The following DENND5B variants were observed in gnomAD, a reference collection of about 807,000 sequenced individuals.
The protein encoded by DENND5B is DENN domain containing 5B.
In DENND5B, 34 loss-of-function variants were observed where a neutral mutation model predicts 140.6. The observed-to-expected ratio is 0.24, with a 90% CI of 0.18 to 0.32. The LOEUF is 0.32. Among genes scored for constraint, DENND5B ranks in the 10% least tolerant of loss-of-function variants. DENND5B has a pLI of 1.00. For missense variants in DENND5B, 1,142 were observed against 1,560.2 expected, an observed-to-expected ratio of 0.73 and a Z score of 4.52; for synonymous variants, 551 against 562.1, an observed-to-expected ratio of 0.98 and a Z score of 0.28.
Position 31,426,683 on chromosome 12 carries a change from T to C in DENND5B, c.2107-259A>G, listed in dbSNP as rs575357486. On this transcript the variant is annotated intron_variant, in intron 8 of 20. Coordinates refer to ENST00000389082, the MANE Select transcript of DENND5B (RefSeq NM_144973.4). ...AAACTCATTCAAAGTGAGATGACATTTCATTTCATTTAGTCTTTTTATTGG... is the reference window on the plus strand; with the variant it reads ...AAACTCATTCAAAGTGAGATGACATCTCATTTCATTTAGTCTTTTTATTGG... 4.2e-5 allele frequency: 13 copies of C among 308,976 alleles called. No individual in the cohort carries two copies. The East Asian group carries it at 9.0e-4, about 21-fold the overall frequency. The allele number at this position is 308,976 out of a possible 1,614,324, so 19.1% of individuals were successfully genotyped here.
chr12:31,510,175 T>G (rs1484134089), intron 1 of DENND5B, among the ~76,000 whole-genome samples: 1 of 152,188 alleles, frequency 6.6e-6, no homozygotes, highest in Non-Finnish European at 1.5e-5. Context: ...CACCCACATT[T>G]ATTATTTCAC....
chr12:31,475,846 G>A (rs1286171272), intron 3 of DENND5B, among the ~76,000 whole-genome samples: 1 of 152,082 alleles, frequency 6.6e-6, no homozygotes, highest in Non-Finnish European at 1.5e-5. Flanking sequence ...GGTGTGGGCC[G>A]GGTGCGGTGG....
At chr12:31,446,932 C>T (rs1345137287) in intron 6 of DENND5B, among the ~76,000 whole-genome samples, 1 of 150,236 alleles carries the variant, frequency 6.7e-6, no homozygotes, top group African/African-American at 2.5e-5. Flanking sequence ...ACATAAGTAG[C>T]AAGACAGAAA....
At chr12:31,538,977 A>ATTTTTT in intron 1 of DENND5B, among the ~76,000 whole-genome samples, 1 of 151,932 alleles carries the variant, frequency 6.6e-6, no homozygotes, top group Non-Finnish European at 1.5e-5. Context: ...TTTTTGAAAA[A>ATTTTTT]AAAAATTGAC....
intron 16 of DENND5B, 34 bp downstream of exon 16, chr12:31,399,620 A>G (rs1011949419): frequency 1.2e-5 from 18 of 1,558,232 alleles, no homozygotes; most frequent in Admixed American, 1.7e-5. Context: ...GTCTTAAAAC[A>G]AAGAATTCTG....
intron 1 of DENND5B, among the ~76,000 whole-genome samples, chr12:31,510,133 C>G (rs1947355057): frequency 6.6e-6 from 1 of 152,126 alleles, no homozygotes; most frequent in South Asian, 2.1e-4. Context: ...TCTATTGCCC[C>G]AAGTTATTAT....
chr12:31,561,212 G>C (rs1435320149), intron 1 of DENND5B, among the ~76,000 whole-genome samples: 1 of 152,026 alleles, frequency 6.6e-6, no homozygotes, highest in East Asian at 1.9e-4. Flanking sequence ...CGCATCTCAA[G>C]GGGGCAAAGC....
intron 1 of DENND5B, among the ~76,000 whole-genome samples, chr12:31,503,441 T>C (rs1947085413): frequency 6.6e-6 from 1 of 152,118 alleles, no homozygotes; most frequent in African/African-American, 2.4e-5. Context: ...GTGCTTGTAG[T>C]CCCAGCTACT....
chr12:31,562,627 T>A (rs1305282941), intron 1 of DENND5B, among the ~76,000 whole-genome samples: 16 of 150,912 alleles, frequency 1.1e-4, no homozygotes, highest in Admixed American at 1.1e-3. Flanking sequence ...AAAAAAAAAA[T>A]GAAATAAAAT....
intron 3 of DENND5B, chr12:31,465,279 G>T (rs1391522317): frequency 6.6e-6 from 1 of 152,400 alleles, no homozygotes; most frequent in East Asian, 1.9e-4. Flanking sequence ...CAATGGAGAT[G>T]TGAAGCTGCT....
At chr12:31,457,757 AG>A (rs1452215439) in intron 4 of DENND5B, among the ~76,000 whole-genome samples, 1 of 150,458 alleles carries the variant, frequency 6.6e-6, no homozygotes, top group East Asian at 2.0e-4. Flanking sequence ...TCTGTCGCCC[AG>A]GCTGGAGTGC....
chr12:31,402,110 C>T (rs1403792425), intron 15 of DENND5B, among the ~76,000 whole-genome samples: 3 of 151,116 alleles, frequency 2.0e-5, no homozygotes, highest in Non-Finnish European at 4.4e-5. Flanking sequence ...TGAATATCAG[C>T]TCTCCTGTCC....
intron 1 of DENND5B, among the ~76,000 whole-genome samples, chr12:31,498,534 C>T (rs886816441): frequency 6.6e-6 from 1 of 152,156 alleles, no homozygotes; most frequent in South Asian, 2.1e-4. Context: ...AGCAAAACCA[C>T]CACCACCACT....
At chr12:31,560,048 A>G (rs1347939282) in intron 1 of DENND5B, among the ~76,000 whole-genome samples, 1 of 152,104 alleles carries the variant, frequency 6.6e-6, no homozygotes, top group Non-Finnish European at 1.5e-5. Context: ...TTCTCTATCC[A>G]CATTCTCTCC....
rs1555133731 is a variant in DENND5B at position 31,400,846 on chromosome 12, T to TTG, written c.2950-1075_2950-1074insCA. Among the ~76,000 whole-genome samples the TTG allele has an allele frequency of 1.2e-4, 3 of 24,552 alleles. No homozygotes were observed. The East Asian group carries it at 0.02, about 162-fold the overall frequency. 16.1% of individuals were successfully genotyped at this position (24,552 alleles called of 152,430 possible). On this transcript the variant is annotated intron_variant, in intron 15 of 20. Coordinates refer to ENST00000389082, the MANE Select transcript of DENND5B (RefSeq NM_144973.4). ...CCCATTAGAGCTACGAGTTTTTTTT[T>TTG]TTTGTTTTTTTTTTAGACAGAGTTT...
At chr12:31,416,115 G>C (rs1752685657) in intron 11 of DENND5B, among the ~76,000 whole-genome samples, 1 of 152,086 alleles carries the variant, frequency 6.6e-6, no homozygotes, top group Admixed American at 6.6e-5. Context: ...GGAATTACAA[G>C]CGTGAGCCAC....
At chr12:31,553,975 T>C (rs1412274671) in intron 1 of DENND5B, among the ~76,000 whole-genome samples, 1 of 152,176 alleles carries the variant, frequency 6.6e-6, no homozygotes, top group Non-Finnish European at 1.5e-5. Flanking sequence ...GTGAGATGGG[T>C]TTCCTGAATA....
rs569453692 is a variant in DENND5B, at chr12:31,475,485, C to T, written c.904+4104G>A. On this transcript the variant is annotated intron_variant, in intron 3 of 20. Transcript: ENST00000389082. ...ACAGGACAAGCTAAGCAGTGGCTCA[C>T]ACCTGTAAACCCTACACTTTGGGAA... is the stretch of plus-strand genomic sequence containing the variant. 9.2e-5 allele frequency among the ~76,000 whole-genome samples: 14 copies of T among 152,286 alleles called. No individual in the cohort carries two copies. In the East Asian group the frequency reaches 2.3e-3, roughly 25 times the overall value.
chr12:31,419,729 T>G (rs1368997575), intron 11 of DENND5B, among the ~76,000 whole-genome samples: 1 of 152,040 alleles, frequency 6.6e-6, no homozygotes, highest in Non-Finnish European at 1.5e-5. Flanking sequence ...ATCCCAGCAC[T>G]TTGGGAGGCT....
Sources: gnomAD v4.1 joint callset for allele counts (sites outside exome capture counted in the v4.1 genomes callset) on GRCh38, gnomAD v4.1.1 for gene constraint, MANE v1.5 for transcripts, NCBI Gene and HGNC (gene_info 2026-07-23, HGNC 2026-07-21) for gene names.